THSD4: variants seen among roughly 807,000 people sequenced by gnomAD.
The protein encoded by THSD4 is thrombospondin type 1 domain containing 4, also known as thrombospondin type-1 domain-containing protein 4.
Under a neutral mutation model 119.0 loss-of-function variants are expected in THSD4, and 69 were observed. The ratio of observed to expected loss-of-function variants is 0.58; its 90% CI spans 0.48 to 0.71. The LOEUF is 0.71. Among genes scored for constraint, THSD4 ranks in the 30% least tolerant of loss-of-function variants. THSD4 has a pLI of 0.00. For missense variants in THSD4, 1,393 were observed against 1,391.1 expected, an observed-to-expected ratio of 1.00 and a Z score of -0.02; for synonymous variants, 524 against 540.4, an observed-to-expected ratio of 0.97 and a Z score of 0.42.
chr15:71,228,713 C>CTT (rs1263900628), intron 4 of THSD4, among the ~76,000 whole-genome samples: 1 of 152,170 alleles, frequency 6.6e-6, no homozygotes, highest in Non-Finnish European at 1.5e-5. Flanking sequence ...GCTTGTAACA[C>CTT]TGAGTTATGC....
intron 7 of THSD4, among the ~76,000 whole-genome samples, chr15:71,454,342 C>A (rs796678268): frequency 1.1e-4 from 16 of 152,278 alleles, no homozygotes; most frequent in African/African-American, 3.6e-4. Flanking sequence ...AGGTAATAAA[C>A]CTTAATACTT....
At chr15:71,465,758 C>T (rs1403434271) in intron 7 of THSD4, among the ~76,000 whole-genome samples, 1 of 152,168 alleles carries the variant, frequency 6.6e-6, no homozygotes, top group Non-Finnish European at 1.5e-5. Flanking sequence ...ATTTGTAAAG[C>T]ATGCAATATC....
At chr15:71,197,765 C>T (rs191725991) in intron 3 of THSD4, among the ~76,000 whole-genome samples, 1 of 152,130 alleles carries the variant, frequency 6.6e-6, no homozygotes, top group African/African-American at 2.4e-5. Context: ...CTCTGTTTCT[C>T]TGCCTGAGGG....
intron 6 of THSD4, among the ~76,000 whole-genome samples, chr15:71,326,930 G>T (rs1207152361): frequency 1.3e-5 from 2 of 151,118 alleles, no homozygotes; most frequent in East Asian, 3.9e-4. Context: ...CGCTTTGGGA[G>T]GCCGAGGTGG....
intron 7 of THSD4, among the ~76,000 whole-genome samples, chr15:71,441,927 A>G (rs1187713833): frequency 6.6e-6 from 1 of 152,048 alleles, no homozygotes; most frequent in East Asian, 1.9e-4. Flanking sequence ...GCAGTAGCTA[A>G]ATGGTAGCCC....
At chr15:71,326,171 G>C (rs2045334721) in intron 6 of THSD4, among the ~76,000 whole-genome samples, 1 of 152,168 alleles carries the variant, frequency 6.6e-6, no homozygotes, top group Non-Finnish European at 1.5e-5. Flanking sequence ...ATGTGACCTA[G>C]AACAAGTGAT....
Position 71,779,475 on chromosome 15 carries a change from T to G in THSD4, c.*2101T>G, listed in dbSNP as rs1484421646. ...ATGCTGGAGGGCAGGCTAAGATCAATGAGTGGAAGAGAGAAAGGCTGTTTT... is the reference window on the plus strand; with the variant it reads ...ATGCTGGAGGGCAGGCTAAGATCAAGGAGTGGAAGAGAGAAAGGCTGTTTT... On this transcript the variant is annotated 3_prime_UTR_variant, in exon 18 of 18. Coordinates refer to ENST00000261862, the MANE Select transcript of THSD4 (RefSeq NM_024817.3). 1 of 152,196 alleles carries G rather than the reference T, an allele frequency of 6.6e-6. No individual in the cohort carries two copies. Among genetic ancestry groups the G allele is most frequent in the South Asian group, 2.1e-4 (1 of 4,824 alleles). 9.4% of individuals were successfully genotyped at this position (152,196 alleles called of 1,614,324 possible).
intron 3 of THSD4, among the ~76,000 whole-genome samples, chr15:71,162,799 G>A (rs2043259179): frequency 6.6e-6 from 1 of 151,960 alleles, no homozygotes; most frequent in African/African-American, 2.4e-5. Flanking sequence ...TAAGTCCCAT[G>A]TGCTTTCTTT....
At chr15:71,244,002 G>T (rs2044177575) in intron 5 of THSD4, among the ~76,000 whole-genome samples, 1 of 150,998 alleles carries the variant, frequency 6.6e-6, no homozygotes, top group East Asian at 2.0e-4. Context: ...GGCCAGGATG[G>T]TTTCGATCTC....
At chr15:71,278,774 C>T (rs1300093034) in intron 6 of THSD4, among the ~76,000 whole-genome samples, 4 of 151,996 alleles carry the variant, frequency 2.6e-5, no homozygotes, top group Non-Finnish European at 5.9e-5. Flanking sequence ...AACCTTGTCA[C>T]GAGTTTAGTG....
intron 3 of THSD4, among the ~76,000 whole-genome samples, chr15:71,164,098 A>G (rs593588): frequency 0.1 from 15,329 of 151,032 alleles, 2,125 homozygotes; most frequent in African/African-American, 0.32. Flanking sequence ...ACTGATCAAG[A>G]TTTTGGATGT....
chr15:71,321,562 C>T (rs553786491), intron 6 of THSD4, among the ~76,000 whole-genome samples: 4 of 152,220 alleles, frequency 2.6e-5, no homozygotes, highest in African/African-American at 9.6e-5. Context: ...GCTTTAGTAT[C>T]AGCCTTCTCT....
At chr15:71,524,828 G>A (rs2048496838) in intron 7 of THSD4, among the ~76,000 whole-genome samples, 1 of 144,174 alleles carries the variant, frequency 6.9e-6, no homozygotes, top group South Asian at 2.2e-4. Context: ...TAGCCAGGAT[G>A]ATCTCGATCT....
chr15:71,372,246 A>T (rs2046062246), intron 6 of THSD4, among the ~76,000 whole-genome samples: 1 of 152,162 alleles, frequency 6.6e-6, no homozygotes, highest in African/African-American at 2.4e-5. Flanking sequence ...AGTTCAGAGA[A>T]GTTTGATCGT....
At chr15:71,322,817 G>A (rs1567195244) in intron 6 of THSD4, among the ~76,000 whole-genome samples, 1 of 152,270 alleles carries the variant, frequency 6.6e-6, no homozygotes, top group Admixed American at 6.5e-5. Flanking sequence ...CCAGGTGGTG[G>A]CCAGGCATGG....
intron 4 of THSD4, among the ~76,000 whole-genome samples, chr15:71,219,711 TTTACAGTTA>T (rs2043960147): frequency 6.6e-6 from 1 of 152,298 alleles, no homozygotes; most frequent in East Asian, 1.9e-4. Flanking sequence ...CATGACAACA[TTTACAGTTA>T]CACAACCCTG....
chr15:71,768,312 A>T (rs527559871), intron 16 of THSD4, among the ~76,000 whole-genome samples: 22 of 152,206 alleles, frequency 1.4e-4, no homozygotes, highest in African/African-American at 5.3e-4. Flanking sequence ...GGCCTCTTTT[A>T]GGTCCAACTT....
At chr15:71,613,910 G>A (rs553943661) in intron 7 of THSD4, among the ~76,000 whole-genome samples, 125 of 152,248 alleles carry the variant, frequency 8.2e-4, no homozygotes, top group African/African-American at 2.9e-3. Context: ...GGTCTGAATG[G>A]GGGTTTGCTG....
At chr15:71,532,962 C>T (rs1303125239) in intron 7 of THSD4, among the ~76,000 whole-genome samples, 4 of 152,154 alleles carry the variant, frequency 2.6e-5, no homozygotes, top group Non-Finnish European at 5.9e-5. Context: ...AGAGTGAACA[C>T]CTTTGGTCAT....
Sources: allele counts gnomAD v4.1 joint callset (sites outside exome capture counted in the v4.1 genomes callset), GRCh38; gene constraint gnomAD v4.1.1; transcripts MANE v1.5; gene names NCBI Gene and HGNC (gene_info 2026-07-23, HGNC 2026-07-21).